TMEM106A: variants seen among roughly 807,000 people sequenced by gnomAD.
The protein encoded by TMEM106A is transmembrane protein 106A.
Under a neutral mutation model 25.1 loss-of-function variants are expected in TMEM106A, and 22 were observed. The observed-to-expected ratio is 0.88, with a 90% confidence interval of 0.63 to 1.25. The LOEUF is 1.25. Among genes scored for constraint, TMEM106A ranks in the 50% most tolerant of loss-of-function variants. TMEM106A has a pLI of 0.00. For missense variants in TMEM106A, 275 were observed against 318.1 expected (o/e 0.86, Z 1.03); for synonymous variants, 104 against 129.9 (o/e 0.80, Z 1.35).
chr17:43,216,844 A>G, intron 7 of TMEM106A, 104 bp downstream of exon 7: 2 of 1,483,454 alleles, frequency 1.3e-6, no homozygotes, highest in South Asian at 2.3e-5. Flanking sequence ...TTCAGCCAGC[A>G]TCTGGCCTGC....
intron 8 of TMEM106A, 124 bp downstream of exon 8, chr17:43,217,436 T>G (rs913456477): frequency 2.0e-5 from 26 of 1,324,304 alleles, no homozygotes; most frequent in Non-Finnish European, 2.7e-5. Context: ...CTCTTGGGAA[T>G]AGCAAGTCTA....
rs767766912 is a variant in TMEM106A, at chr17:43,213,897, C to T, written c.275+6C>T. The T allele has an allele frequency of 2.5e-6, 4 of 1,614,010 alleles. No homozygotes were observed. On this transcript the variant is annotated splice_donor_region_variant and intron_variant, in intron 4 of 8. Coordinates refer to ENST00000612339, the MANE Select transcript of TMEM106A (RefSeq NM_145041.4). The stretch of plus-strand genomic sequence containing the variant: ...AGGCTGAAGCCCAAGCACACGTAAG[C>T]CCCCCTTCCTCCCCTAGCTTCACAA...
chr17:43,216,755 A>G lies in TMEM106A; in HGVS notation c.614+15A>G. ...GAAAACACATAGTGAGTACCCCTTG[A>G]TCTCTTCTCCCCTAGCCACTTGCCT... On this transcript the variant is annotated intron_variant, in intron 7 of 8. Coordinates refer to ENST00000612339, the MANE Select transcript of TMEM106A (RefSeq NM_145041.4). 6.2e-7 allele frequency: 1 copy of G among 1,614,076 alleles called. No individual in the cohort carries two copies. The highest frequency in any genetic ancestry group is 1.1e-5 in the South Asian group (1 of 91,080).
chr17:43,217,989 A>C lies in TMEM106A; in HGVS notation c.*188A>C. On this transcript the variant is annotated 3_prime_UTR_variant, in exon 9 of 9. Coordinates refer to ENST00000612339, the MANE Select transcript of TMEM106A (RefSeq NM_145041.4). Reference sequence around the variant, plus strand: ...GTTAACTTCATACACACACACTCATATCCTCCAGTTTCCCCCAGATTCTTT... The same window carrying C: ...GTTAACTTCATACACACACACTCATCTCCTCCAGTTTCCCCCAGATTCTTT... 1.4e-6 allele frequency: 1 copy of C among 738,794 alleles called. No individual in the cohort carries two copies. The highest frequency in any genetic ancestry group is 2.2e-6 in the Non-Finnish European group (1 of 462,430). 45.8% of individuals were successfully genotyped at this position (738,794 alleles called of 1,614,324 possible).
chr17:43,216,348 G>A, intron 5 of TMEM106A, 101 bp from the exon 6 acceptor site: 1 of 1,483,786 alleles, frequency 6.7e-7, no homozygotes, highest in South Asian at 1.2e-5. Flanking sequence ...GCTTGTCATG[G>A]TAGATGGGGC....
chr17:43,213,716 G>A, intron 3 of TMEM106A, 112 bp from the exon 4 acceptor site: 1 of 1,075,238 alleles, frequency 9.3e-7, no homozygotes, highest in Non-Finnish European at 1.4e-6. Context: ...GATGTGGCAT[G>A]TTTCTAACAT....
chr17:43,214,188 C>CAAAAAAAAAAA (rs1171744040), intron 4 of TMEM106A, among the ~76,000 whole-genome samples: 1 of 50,868 alleles, frequency 2.0e-5, no homozygotes, highest in Non-Finnish European at 4.0e-5. Context: ...CCATCTCTAT[C>CAAAAAAAAAAA]AAAAAAAAAA....
chr17:43,216,107 G>A (rs1047830510), intron 5 of TMEM106A, 166 bp downstream of exon 5: 2 of 844,502 alleles, frequency 2.4e-6, no homozygotes, highest in African/African-American at 3.4e-5. Flanking sequence ...CATGACAGAT[G>A]GTAAGGATTG....
At chr17:43,217,594 C>G in intron 8 of TMEM106A, 87 bp from the exon 9 acceptor site, 4 of 1,552,522 alleles carry the variant, frequency 2.6e-6, no homozygotes, top group South Asian at 1.2e-5. Context: ...TGAGGGAGCT[C>G]CCCGCTCCCC....
Position 43,217,856 on chromosome 17 carries a change from C to T in TMEM106A, c.*55C>T. The T allele has an allele frequency of 6.2e-7, 1 of 1,609,512 alleles. No homozygotes were observed. Among genetic ancestry groups the T allele is most frequent in the South Asian group, 1.1e-5 (1 of 90,352 alleles). ...CTGCAACCCTGGTCTATATCTCCCACAACTCCCTGGTGACTAAGGAAGGAC... is the reference window on the plus strand; with the variant it reads ...CTGCAACCCTGGTCTATATCTCCCATAACTCCCTGGTGACTAAGGAAGGAC... On this transcript the variant is annotated 3_prime_UTR_variant, in exon 9 of 9. Coordinates refer to ENST00000612339, the MANE Select transcript of TMEM106A (RefSeq NM_145041.4).
In TMEM106A at chr17:43,218,990, G is replaced by A. The variant is rs1241222948; in HGVS notation, c.*1189G>A. 6.6e-6 allele frequency: 1 copy of A among 152,212 alleles called. No individual in the cohort carries two copies. Among genetic ancestry groups the A allele is most frequent in the Non-Finnish European group, 1.5e-5 (1 of 68,084 alleles). 9.4% of individuals were successfully genotyped at this position (152,212 alleles called of 1,614,324 possible). A position where few individuals can be genotyped will look rare whatever the true frequency, so the allele number is the denominator to read the frequency against. On this transcript the variant is annotated 3_prime_UTR_variant, in exon 9 of 9. Coordinates refer to ENST00000612339, the MANE Select transcript of TMEM106A (RefSeq NM_145041.4). ...CATAGCAGGAGCCAAAATAGTAGAG[G>A]AGGGGAGAGAGGCACCTGGCACTCT...
rs1006936124 is a variant in TMEM106A, at chr17:43,216,820, T to G, written c.614+80T>G. The G allele has an allele frequency of 2.1e-5, 34 of 1,581,446 alleles. No individual in the cohort carries two copies. In the Admixed American group the frequency reaches 5.3e-4, roughly 25 times the overall value. On this transcript the variant is annotated intron_variant, in intron 7 of 8. Transcript: ENST00000612339. Reference sequence around the variant, plus strand: ...ATTAATACCCACCAGCTTTCCTGATTGCTTAGCAAATTCTTCAGCCAGCAT... The same window carrying G: ...ATTAATACCCACCAGCTTTCCTGATGGCTTAGCAAATTCTTCAGCCAGCAT...
Position 43,217,934 on chromosome 17 carries a change from A to C in TMEM106A, c.*133A>C. 1.5e-6 allele frequency: 2 copies of C among 1,320,554 alleles called. No individual in the cohort carries two copies. Among genetic ancestry groups the C allele is most frequent in the Non-Finnish European group, 2.1e-6 (2 of 954,588 alleles). 81.8% of individuals were successfully genotyped at this position (1,320,554 alleles called of 1,614,324 possible). On this transcript the variant is annotated 3_prime_UTR_variant, in exon 9 of 9. Coordinates refer to ENST00000612339, the MANE Select transcript of TMEM106A (RefSeq NM_145041.4). ...CTGCCTCATCACACCCTTACCTCCC[A>C]CCCCCTCAGCACAGGAAGCTTGCTT... is the stretch of plus-strand genomic sequence containing the variant.
At position 43,216,739 on chromosome 17, in the gene TMEM106A, T is replaced by G. The variant is rs868322300; in HGVS notation, c.613T>G (p.Tyr205Asp). 3.1e-6 allele frequency: 5 copies of G among 1,614,092 alleles called. No homozygotes were observed. The African/African-American group carries it at 6.7e-5, about 22-fold the overall frequency. The change falls in exon 7 of 9, where the codon TAC becomes GAC. Residue 205 changes from tyrosine to aspartate, a missense_variant and splice_region_variant. Physicochemically the swap from Tyr to Asp is radical, Grantham distance 160 (BLOSUM62 -3). Coordinates refer to ENST00000612339, the MANE Select transcript of TMEM106A (RefSeq NM_145041.4). ...TACCAAGATACGGGATGAAAACACATAGTGAGTACCCCTTGATCTCTTCTC... is the reference window on the plus strand; with the variant it reads ...TACCAAGATACGGGATGAAAACACAGAGTGAGTACCCCTTGATCTCTTCTC... ...VATKIRDENT[Y>D]KICTWLEIKV... is the part of the protein sequence containing the mutation.
chr17:43,217,534 C>A, intron 8 of TMEM106A, 147 bp from the exon 9 acceptor site: 1 of 1,450,984 alleles, frequency 6.9e-7, no homozygotes, highest in South Asian at 1.3e-5. Flanking sequence ...ACAGGTGGGG[C>A]AGCTGTCCCA....
At chr17:43,213,296 A>G (rs1300104020) in intron 3 of TMEM106A, 44 bp downstream of exon 3, 3 of 1,608,548 alleles carry the variant, frequency 1.9e-6, no homozygotes, top group Non-Finnish European at 2.6e-6. Context: ...ATCCAGGGAA[A>G]GTTCTTAGCC....
intron 7 of TMEM106A, chr17:43,216,999 G>A: frequency 1.6e-6 from 1 of 624,302 alleles, no homozygotes; most frequent in Non-Finnish European, 2.8e-6. Flanking sequence ...GCATTGCTGA[G>A]GAAGAAGAAT....
intron 5 of TMEM106A, 96 bp from the exon 6 acceptor site, chr17:43,216,353 T>C: frequency 2.6e-6 from 4 of 1,509,798 alleles, no homozygotes; most frequent in Non-Finnish European, 3.6e-6. Flanking sequence ...TCATGGTAGA[T>C]GGGGCTCAGG....
At chr17:43,213,364 C>A (rs560190644) in intron 3 of TMEM106A, 112 bp downstream of exon 3, 2 of 1,118,630 alleles carry the variant, frequency 1.8e-6, no homozygotes, top group Non-Finnish European at 2.6e-6. Context: ...CTGCTCCCAG[C>A]TCTTGACCTC....
Sources: allele counts gnomAD v4.1 joint callset (sites outside exome capture counted in the v4.1 genomes callset), GRCh38; gene constraint gnomAD v4.1.1; transcripts MANE v1.5; gene names NCBI Gene and HGNC (gene_info 2026-07-23, HGNC 2026-07-21).